GRIN2B: variants seen among roughly 807,000 people sequenced by gnomAD.
GRIN2B encodes glutamate ionotropic receptor NMDA type subunit 2B, also known as glutamate receptor ionotropic, NMDA 2B.
A neutral mutation model predicts 114.5 loss-of-function variants in GRIN2B; 5 were observed. The observed-to-expected ratio is 0.04, with a 90% CI of 0.02 to 0.09. GRIN2B has a LOEUF of 0.09. Among genes scored for constraint, GRIN2B ranks in the 10% least tolerant of loss-of-function variants. GRIN2B has a pLI of 1.00. For synonymous variants in GRIN2B, 787 were observed against 745.1 expected (o/e 1.06, Z -0.92); for missense variants, 1,108 against 1,943.5 (o/e 0.57, Z 8.08).
chr12:13,826,503 A>T (rs1865038455), intron 3 of GRIN2B, among the ~76,000 whole-genome samples: 1 of 152,198 alleles, frequency 6.6e-6, no homozygotes, highest in South Asian at 2.1e-4. Context: ...GCCACTAAAT[A>T]GATAGTATAG....
intron 4 of GRIN2B, among the ~76,000 whole-genome samples, chr12:13,708,840 A>G (rs1213505275): frequency 6.6e-6 from 1 of 152,054 alleles, no homozygotes; most frequent in Non-Finnish European, 1.5e-5. Context: ...GAAAATATTT[A>G]TTGAGTGCTT....
At chr12:13,726,925 C>T (rs1863000696) in intron 4 of GRIN2B, among the ~76,000 whole-genome samples, 1 of 152,106 alleles carries the variant, frequency 6.6e-6, no homozygotes. Context: ...TTTGGTTTTC[C>T]ACTCCTGAGT....
chr12:13,708,152 A>G lies in GRIN2B; in HGVS notation c.1011-32293T>C, dbSNP rs1011539134. ...AACTAATAAAGGTTGTGAATTTACC[A>G]CTTCCCAATAGAAGTAGTTTTGGAA... On this transcript the variant is annotated intron_variant, in intron 4 of 13. Transcript: ENST00000609686. Among the ~76,000 whole-genome samples, 60 of 152,142 alleles carry G rather than the reference A, an allele frequency of 3.9e-4. 1 individual carries two copies. The highest frequency in any genetic ancestry group is 1.3e-3 in the African/African-American group (53 of 41,452).
chr12:13,637,256 G>A (rs1295403486), intron 5 of GRIN2B, among the ~76,000 whole-genome samples: 1 of 152,170 alleles, frequency 6.6e-6, no homozygotes, highest in Non-Finnish European at 1.5e-5. Context: ...GAGTTGCAGG[G>A]TAGTATGCAA....
In GRIN2B at chr12:13,562,874, C is replaced by T; in HGVS notation, c.4364G>A (p.Cys1455Tyr). ...DICIGNQSNP[C>Y]VPNNKNPRAF... ...CCTGGGGTTTTTGTTGTTAGGCACA[C>T]AGGGGTTGGACTGGTTCCCTATACA... Residue 1455 changes from cysteine (C) to tyrosine (Y), a missense_variant, in exon 14 of 14, where the codon TGT (cysteine) becomes TAT (tyrosine). Transcript: ENST00000609686. 1 of 1,614,194 alleles carries T rather than the reference C, an allele frequency of 6.2e-7. No individual in the cohort carries two copies. The highest frequency in any genetic ancestry group is 1.1e-5 in the South Asian group (1 of 91,082).
intron 3 of GRIN2B, among the ~76,000 whole-genome samples, chr12:13,755,133 G>A (rs1805555): frequency 0.022 from 3,311 of 152,260 alleles, 61 homozygotes; most frequent in Non-Finnish European, 0.03. Flanking sequence ...CTAAGGGGCA[G>A]TTCCTTCTTA....
intron 2 of GRIN2B, among the ~76,000 whole-genome samples, chr12:13,886,717 C>T (rs1392365447): frequency 6.6e-6 from 1 of 152,128 alleles, no homozygotes; most frequent in Non-Finnish European, 1.5e-5. Flanking sequence ...CTCTTGAGGG[C>T]CATACTCCTT....
At chr12:13,614,608 C>T (rs956750924) in intron 8 of GRIN2B, among the ~76,000 whole-genome samples, 10 of 152,178 alleles carry the variant, frequency 6.6e-5, no homozygotes, top group Non-Finnish European at 1.5e-4. Context: ...TCAGCTCTAT[C>T]TGGCAAAGCC....
chr12:13,762,872 A>G (rs1443092930), intron 3 of GRIN2B, among the ~76,000 whole-genome samples: 5 of 151,590 alleles, frequency 3.3e-5, no homozygotes, highest in Non-Finnish European at 5.9e-5. Context: ...GTTTTCTGAG[A>G]AAGTTTTTTT....
At position 13,616,625 on chromosome 12, in the gene GRIN2B, C is replaced by A; in HGVS notation, c.1158G>T (p.Met386Ile). The change falls in exon 6 of 14, where the codon ATG (methionine) becomes ATT (isoleucine). Residue 386 changes from methionine (M) to isoleucine (I), a missense_variant. Transcript: ENST00000609686. ...VGKWKDKSLQMKYYVWPRMCP... is the reference protein window; with the variant it reads ...VGKWKDKSLQIKYYVWPRMCP... ...ACATTCGGGGCCACACATAGTACTTCATCTGCAGGGACTTGTCTTTCCACT... is the reference window on the plus strand; with the variant it reads ...ACATTCGGGGCCACACATAGTACTTAATCTGCAGGGACTTGTCTTTCCACT... 1 of 1,614,048 alleles carries A rather than the reference C, an allele frequency of 6.2e-7. No homozygotes were observed. The highest frequency in any genetic ancestry group is 8.5e-7 in the Non-Finnish European group (1 of 1,179,902).
chr12:13,743,594 T>C (rs1043692544), intron 4 of GRIN2B, among the ~76,000 whole-genome samples: 4 of 152,130 alleles, frequency 2.6e-5, no homozygotes, highest in African/African-American at 9.7e-5. Context: ...GAAAGATTTT[T>C]TTTCAAGCAG....
At chr12:13,582,171 T>A (rs1002660350) in intron 10 of GRIN2B, among the ~76,000 whole-genome samples, 1 of 152,188 alleles carries the variant, frequency 6.6e-6, no homozygotes, top group Admixed American at 6.5e-5. Context: ...AAACTGGCTG[T>A]GGATATGGTG....
chr12:13,876,834 T>C (rs1487914115), intron 2 of GRIN2B, among the ~76,000 whole-genome samples: 2 of 151,252 alleles, frequency 1.3e-5, no homozygotes, highest in Non-Finnish European at 2.9e-5. Flanking sequence ...CTATCTCCAG[T>C]ACTTGGCAAA....
At chr12:13,943,217 T>C (rs1017662580) in intron 2 of GRIN2B, among the ~76,000 whole-genome samples, 1 of 152,150 alleles carries the variant, frequency 6.6e-6, no homozygotes, top group Non-Finnish European at 1.5e-5. Context: ...GATCTTCTTA[T>C]TACTCCACCA....
chr12:13,611,261 G>A (rs557005149), intron 9 of GRIN2B, among the ~76,000 whole-genome samples: 67 of 152,214 alleles, frequency 4.4e-4, no homozygotes, highest in South Asian at 1.9e-3. Context: ...TTGGAGATCT[G>A]GTACCTCAGT....
chr12:13,786,826 C>G (rs1422204419), intron 3 of GRIN2B, among the ~76,000 whole-genome samples: 2 of 152,284 alleles, frequency 1.3e-5, no homozygotes. Context: ...CACTCCCTTT[C>G]TTTGTCCATG....
At chr12:13,676,519 G>A (rs1315681985) in intron 4 of GRIN2B, among the ~76,000 whole-genome samples, 1 of 152,048 alleles carries the variant, frequency 6.6e-6, no homozygotes, top group African/African-American at 2.4e-5. Context: ...GGATAACTTA[G>A]GTTAACCACT....
chr12:13,930,867 G>A (rs1316358592), intron 2 of GRIN2B, among the ~76,000 whole-genome samples: 1 of 152,150 alleles, frequency 6.6e-6, no homozygotes, highest in Non-Finnish European at 1.5e-5. Flanking sequence ...TAATAACAGG[G>A]TGGAGAATTT....
intron 3 of GRIN2B, among the ~76,000 whole-genome samples, chr12:13,762,859 G>A (rs914648404): frequency 6.6e-6 from 1 of 152,120 alleles, no homozygotes; most frequent in Non-Finnish European, 1.5e-5. Context: ...AATCCAGAAA[G>A]AAGTTTTCTG....
Sources: gnomAD v4.1 joint callset for allele counts (sites outside exome capture counted in the v4.1 genomes callset) on GRCh38, gnomAD v4.1.1 for gene constraint, MANE v1.5 for transcripts, NCBI Gene and HGNC (gene_info 2026-07-23, HGNC 2026-07-21) for gene names.